CHST15: variants seen among roughly 807,000 people sequenced by gnomAD.
CHST15 encodes B cell RAG associated protein (GALNAC4S-6ST).
CHST15 carries 30 observed loss-of-function variants against 53.6 expected under a neutral mutation model. The ratio of observed to expected loss-of-function variants is 0.56; its 90% CI spans 0.42 to 0.76. CHST15 has a LOEUF of 0.76. CHST15 is among the 30% of genes least tolerant of loss of function. The pLI, the probability that CHST15 is intolerant of heterozygous loss-of-function variation, is 0.00. For synonymous variants in CHST15, 296 were observed against 289.8 expected, an observed-to-expected ratio of 1.02 and a Z score of -0.22; for missense variants, 627 against 740.5, an observed-to-expected ratio of 0.85 and a Z score of 1.78.
intron 1 of CHST15, among the ~76,000 whole-genome samples, chr10:124,063,767 T>A (rs1218318711): frequency 1.3e-5 from 2 of 152,190 alleles, no homozygotes; most frequent in Non-Finnish European, 2.9e-5. Flanking sequence ...GCGAAGACCT[T>A]GCTTAAACCA....
chr10:124,090,821 C>T (rs1387061720), intron 1 of CHST15, among the ~76,000 whole-genome samples: 15 of 152,234 alleles, frequency 9.9e-5, no homozygotes, highest in African/African-American at 2.9e-4. Context: ...CACTGTGGGC[C>T]GACCTGCCTG....
At chr10:124,045,117 A>AAAAAAAAC (rs1947921704) in intron 2 of CHST15, among the ~76,000 whole-genome samples, 198 bp from the exon 3 acceptor site, 2 of 109,880 alleles carry the variant, frequency 1.8e-5, no homozygotes, top group African/African-American at 4.4e-5. Context: ...CCCCACAAAA[A>AAAAAAAAC]AAAAAAAAAA....
At chr10:124,093,101 A>T (rs767394083) in intron 1 of CHST15, among the ~76,000 whole-genome samples, 1 of 149,548 alleles carries the variant, frequency 6.7e-6, no homozygotes, top group African/African-American at 2.4e-5. Context: ...TCAAGCGCGC[A>T]GGGCGCCCGG....
intron 1 of CHST15, among the ~76,000 whole-genome samples, chr10:124,072,743 C>T (rs765236841): frequency 1.7e-4 from 26 of 152,174 alleles, no homozygotes; most frequent in Non-Finnish European, 2.8e-4. Flanking sequence ...CAGAGACCAA[C>T]CAACCCCATC....
At chr10:124,025,226 T>C (rs1946950325) in intron 5 of CHST15, among the ~76,000 whole-genome samples, 2 of 152,328 alleles carry the variant, frequency 1.3e-5, no homozygotes, top group East Asian at 1.9e-4. Context: ...AAGTAATCCC[T>C]AGGAAAAACT....
intron 5 of CHST15, among the ~76,000 whole-genome samples, chr10:124,029,065 G>A (rs1319133011): frequency 6.6e-6 from 1 of 152,186 alleles, no homozygotes; most frequent in Non-Finnish European, 1.5e-5. Context: ...AGGGAGCCAG[G>A]GCACCTGGCC....
chr10:124,075,302 T>C (rs1482791219), intron 1 of CHST15, among the ~76,000 whole-genome samples: 1 of 152,156 alleles, frequency 6.6e-6, no homozygotes, highest in Non-Finnish European at 1.5e-5. Flanking sequence ...CATCTGAGGC[T>C]CCATGGGAGT....
In CHST15 at chr10:124,060,512, C is replaced by T. The variant is rs543355398; in HGVS notation, c.-512-13788G>A. Among the ~76,000 whole-genome samples, 13 of 150,256 alleles carry T rather than the reference C, an allele frequency of 8.7e-5. No homozygotes were observed. The East Asian group carries it at 1.0e-3, about 12-fold the overall frequency. ...AGGGGTGTGTGGAGGTGTGCCAGGC[C>T]CCCAGGGATGTGTGGAGTTGTGCCA... is the stretch of plus-strand genomic sequence containing the variant. On this transcript the variant is annotated intron_variant, in intron 1 of 7. Coordinates refer to ENST00000435907, the MANE Select transcript of CHST15 (RefSeq NM_001270764.2).
At chr10:124,075,432 G>A (rs76869038) in intron 1 of CHST15, among the ~76,000 whole-genome samples, 4,163 of 152,228 alleles carry the variant, frequency 0.027, 185 homozygotes, top group African/African-American at 0.095. Context: ...ATCGACTTGT[G>A]ACAATGAGAG....
At chr10:124,059,529 C>A (rs568030569) in intron 1 of CHST15, among the ~76,000 whole-genome samples, 7 of 152,334 alleles carry the variant, frequency 4.6e-5, no homozygotes, top group Admixed American at 3.3e-4. Context: ...CCCTTGCCCA[C>A]TTTGACCTGA....
At chr10:124,032,447 T>C (rs1250936605) in intron 5 of CHST15, among the ~76,000 whole-genome samples, 3 of 152,168 alleles carry the variant, frequency 2.0e-5, no homozygotes, top group African/African-American at 7.2e-5. Context: ...TGCAACTAGG[T>C]TGGAGGTGCC....
At chr10:124,035,219 C>A (rs560701514) in intron 5 of CHST15, among the ~76,000 whole-genome samples, 2 of 149,156 alleles carry the variant, frequency 1.3e-5, no homozygotes, top group Non-Finnish European at 3.0e-5. Context: ...GGCTCTACCC[C>A]CTAACAGGGA....
chr10:124,077,424 ATT>A (rs1949112212), intron 1 of CHST15, among the ~76,000 whole-genome samples: 1 of 152,172 alleles, frequency 6.6e-6, no homozygotes, highest in Admixed American at 6.5e-5. Context: ...GTGATTACAC[ATT>A]CATCCCCAGA....
rs187895379 is a variant in CHST15, at chr10:124,046,496, C to A, written c.-284G>T. On this transcript the variant is annotated 5_prime_UTR_variant, in exon 2 of 8. Transcript: ENST00000435907. The stretch of plus-strand genomic sequence containing the variant: ...GAGAAGGTCACAAGTTCGGGAGCAG[C>A]TCTGCCTGCCCTTCAGGTTTTTCCC... The A allele has an allele frequency of 3.1e-6, 1 of 324,230 alleles. No individual in the cohort carries two copies. Among genetic ancestry groups the A allele is most frequent in the East Asian group, 5.0e-5 (1 of 19,828 alleles). 20.1% of individuals were successfully genotyped at this position (324,230 alleles called of 1,614,324 possible).
At chr10:124,018,501 G>A (rs1051838198) in intron 6 of CHST15, among the ~76,000 whole-genome samples, 5 of 152,238 alleles carry the variant, frequency 3.3e-5, no homozygotes, top group Admixed American at 2.6e-4. Context: ...GGGAGACACA[G>A]CCAGGCCTGT....
chr10:124,011,729 G>A, intron 7 of CHST15: 2 of 985,366 alleles, frequency 2.0e-6, no homozygotes, highest in Non-Finnish European at 1.2e-6. Flanking sequence ...GTATCCACAG[G>A]CTGAGGGCAG....
intron 4 of CHST15, among the ~76,000 whole-genome samples, chr10:124,041,628 A>G (rs186536667): frequency 4.6e-4 from 70 of 152,346 alleles, no homozygotes; most frequent in African/African-American, 1.6e-3. Flanking sequence ...CACTGTCTCT[A>G]TTTCCATCGA....
chr10:124,080,796 G>A (rs1418458170), intron 1 of CHST15, among the ~76,000 whole-genome samples: 1 of 152,198 alleles, frequency 6.6e-6, no homozygotes, highest in African/African-American at 2.4e-5. Flanking sequence ...TGCACTATGG[G>A]TCAAAGTTTT....
chr10:124,020,097 C>T (rs1445043795), intron 6 of CHST15: 1 of 985,676 alleles, frequency 1.0e-6, no homozygotes. Context: ...GCAAGGACCA[C>T]ACCTGTCCTG....
Sources: gnomAD v4.1 joint callset for allele counts (sites outside exome capture counted in the v4.1 genomes callset) on GRCh38, gnomAD v4.1.1 for gene constraint, MANE v1.5 for transcripts, NCBI Gene and HGNC (gene_info 2026-07-23, HGNC 2026-07-21) for gene names.